Variants in P4HA1 observed in about 807,000 individuals in gnomAD.
P4HA1 encodes prolyl 4-hydroxylase subunit alpha-1.
In P4HA1, 24 loss-of-function variants were observed where a neutral mutation model predicts 72.8. The ratio of observed to expected loss-of-function variants is 0.33; its 90% CI spans 0.24 to 0.46. The LOEUF is 0.46. Ranked by LOEUF, P4HA1 falls within the 20% of genes least tolerant of loss-of-function variation. The pLI, the probability that P4HA1 is intolerant of heterozygous loss-of-function variation, is 1.00. For synonymous variants in P4HA1, 201 were observed against 218.8 expected, an observed-to-expected ratio of 0.92 and a Z score of 0.72; for missense variants, 446 against 640.6, an observed-to-expected ratio of 0.70 and a Z score of 3.28.
intron 9 of P4HA1, among the ~76,000 whole-genome samples, chr10:73,035,695 T>C (rs1346287442): frequency 6.6e-6 from 1 of 152,216 alleles, no homozygotes; most frequent in East Asian, 1.9e-4. Flanking sequence ...GATAAATTCC[T>C]AGATGTGGAA....
Position 73,040,980 on chromosome 10 carries a change from G to A in P4HA1, c.1148+4001C>T, listed in dbSNP as rs111247799. Among the ~76,000 whole-genome samples the A allele has an allele frequency of 3.4e-4, 52 of 152,060 alleles. 2 individuals carry two copies. The highest frequency in any genetic ancestry group is 1.2e-3 in the African/African-American group (49 of 41,482). On this transcript the variant is annotated intron_variant, in intron 9 of 14. Coordinates refer to ENST00000394890, the MANE Select transcript of P4HA1 (RefSeq NM_001017962.3). ...GGAAAATTAGCTTAATGTAAAAATC[G>A]GGTTAATTGCAATGTTCAGAAGCAC...
chr10:73,035,960 G>A (rs1052879037), intron 9 of P4HA1, among the ~76,000 whole-genome samples: 47 of 152,028 alleles, frequency 3.1e-4, no homozygotes, highest in Non-Finnish European at 5.3e-4. Flanking sequence ...AGACTGAGGC[G>A]GGTGGATCTC....
intron 14 of P4HA1, among the ~76,000 whole-genome samples, chr10:73,008,826 A>T (rs1231006887): frequency 1.3e-5 from 2 of 148,938 alleles, no homozygotes; most frequent in Non-Finnish European, 3.0e-5. Context: ...TTAATTTTCT[A>T]TTTTTTTTTT....
intron 10 of P4HA1, among the ~76,000 whole-genome samples, chr10:73,029,188 G>C (rs1840370072): frequency 6.6e-6 from 1 of 151,906 alleles, no homozygotes; most frequent in African/African-American, 2.4e-5. Context: ...AAGGCAGGTG[G>C]ATCACTTGAG....
intron 7 of P4HA1, among the ~76,000 whole-genome samples, chr10:73,050,434 G>A (rs1840991722): frequency 6.6e-6 from 1 of 151,832 alleles, no homozygotes; most frequent in African/African-American, 2.4e-5. Flanking sequence ...GGGCACAGCA[G>A]CTCACGCCTG....
chr10:73,075,859 C>A (rs76886564), intron 1 of P4HA1, among the ~76,000 whole-genome samples: 2 of 151,936 alleles, frequency 1.3e-5, no homozygotes, highest in Admixed American at 1.3e-4. Context: ...GCGTGAGCCA[C>A]GGCACCCGGC....
chr10:73,020,965 T>G (rs1840121360), intron 10 of P4HA1, among the ~76,000 whole-genome samples: 1 of 152,024 alleles, frequency 6.6e-6, no homozygotes, highest in Non-Finnish European at 1.5e-5. Flanking sequence ...TAAAACCCTG[T>G]CTCTACTAAA....
chr10:73,090,171 C>T (rs1290117931), intron 1 of P4HA1, among the ~76,000 whole-genome samples: 1 of 151,014 alleles, frequency 6.6e-6, no homozygotes, highest in Non-Finnish European at 1.5e-5. Context: ...TCATTTCGGT[C>T]ACCAGGCTGG....
intron 9 of P4HA1, among the ~76,000 whole-genome samples, chr10:73,037,540 TATATATATATATATATATATA>T (rs1564624794): frequency 3.3e-4 from 7 of 21,178 alleles, no homozygotes; most frequent in African/African-American, 1.6e-3. Context: ...TATATATATA[TATATATATATATATATATATA>T]TATATATATA....
At chr10:73,093,003 G>A (rs768473057) in intron 1 of P4HA1, among the ~76,000 whole-genome samples, 5 of 151,618 alleles carry the variant, frequency 3.3e-5, no homozygotes, top group South Asian at 4.2e-4. Context: ...TCTGTACCCC[G>A]AGCTACACCC....
At chr10:73,058,069 G>A (rs959439401) in intron 5 of P4HA1, among the ~76,000 whole-genome samples, 16 of 121,474 alleles carry the variant, frequency 1.3e-4, no homozygotes, top group Admixed American at 3.2e-4. Flanking sequence ...CAGTCTGGGT[G>A]ACAGAGCAAG....
chr10:73,081,850 G>C (rs1841832478), intron 1 of P4HA1, among the ~76,000 whole-genome samples: 1 of 152,152 alleles, frequency 6.6e-6, no homozygotes, highest in Non-Finnish European at 1.5e-5. Context: ...CTGACAAACA[G>C]GGTGAAACCC....
chr10:73,016,968 C>A, intron 10 of P4HA1, 69 bp from the exon 11 acceptor site: 1 of 1,271,310 alleles, frequency 7.9e-7, no homozygotes, highest in Non-Finnish European at 1.1e-6. Flanking sequence ...AATCTATGAA[C>A]CTCATTTTTT....
intron 6 of P4HA1, among the ~76,000 whole-genome samples, chr10:73,052,368 A>C (rs1841041622): frequency 6.6e-6 from 1 of 152,216 alleles, no homozygotes; most frequent in African/African-American, 2.4e-5. Context: ...ATATTAACCT[A>C]ATTTTGTAAA....
chr10:73,024,296 C>T (rs1339694979), intron 10 of P4HA1, among the ~76,000 whole-genome samples: 1 of 152,252 alleles, frequency 6.6e-6, no homozygotes, highest in East Asian at 1.9e-4. Context: ...AACTGTCTCT[C>T]AGACCACAGT....
intron 10 of P4HA1, among the ~76,000 whole-genome samples, chr10:73,026,087 C>T (rs1840259575): frequency 2.0e-5 from 3 of 152,248 alleles, no homozygotes; most frequent in Admixed American, 1.3e-4. Flanking sequence ...ACTTTCTTCA[C>T]AGAATTGGAA....
chr10:73,080,820 C>A (rs1427584414), intron 1 of P4HA1, among the ~76,000 whole-genome samples: 1 of 152,000 alleles, frequency 6.6e-6, no homozygotes, highest in East Asian at 1.9e-4. Context: ...CCCAGCTACT[C>A]GGGAGGCTGA....
intron 8 of P4HA1, 80 bp downstream of exon 8, chr10:73,046,845 C>A: frequency 9.5e-7 from 1 of 1,048,448 alleles, no homozygotes; most frequent in Non-Finnish European, 1.4e-6. Flanking sequence ...ATTCGTATAT[C>A]AATTATCCTA....
At chr10:73,029,941 T>C (rs1240662930) in intron 10 of P4HA1, among the ~76,000 whole-genome samples, 2 of 152,180 alleles carry the variant, frequency 1.3e-5, no homozygotes, top group Non-Finnish European at 2.9e-5. Context: ...AACCCACTAT[T>C]TTTTAAAACC....
Sources: allele counts gnomAD v4.1 joint callset (sites outside exome capture counted in the v4.1 genomes callset), GRCh38; gene constraint gnomAD v4.1.1; transcripts MANE v1.5; gene names NCBI Gene and HGNC (gene_info 2026-07-23, HGNC 2026-07-21).